The following RBFOX1 variants were observed in gnomAD, a reference collection of about 807,000 sequenced individuals.
RBFOX1 encodes RNA binding protein fox-1 homolog 1.
Under a neutral mutation model 57.7 loss-of-function variants are expected in RBFOX1, and 8 were observed. That is an observed-to-expected ratio of 0.14 (90% CI 0.08 to 0.25). RBFOX1 has a LOEUF of 0.25. RBFOX1 is among the 10% of genes least tolerant of loss of function. RBFOX1 has a pLI of 1.00. For missense variants in RBFOX1, 611 were observed against 548.5 expected (o/e 1.11, Z -1.14); for synonymous variants, 326 against 222.4 (o/e 1.47, Z -4.15).
intron 3 of RBFOX1, among the ~76,000 whole-genome samples, chr16:6,725,376 C>A (rs543046049): frequency 5.7e-4 from 87 of 152,138 alleles, no homozygotes; most frequent in African/African-American, 2.1e-3. Flanking sequence ...TTTAAGGCAT[C>A]TTTTTACCAA....
chr16:6,982,120 C>G (rs1251221227), intron 3 of RBFOX1, among the ~76,000 whole-genome samples: 1 of 152,056 alleles, frequency 6.6e-6, no homozygotes, highest in African/African-American at 2.4e-5. Context: ...AATGACTAAA[C>G]CAAATTAGTG....
At chr16:7,630,704 C>T (rs763040234) in intron 11 of RBFOX1, 21 bp downstream of exon 11, 25 of 1,613,698 alleles carry the variant, frequency 1.5e-5, no homozygotes, top group Non-Finnish European at 1.6e-5. Flanking sequence ...TGTCGTGGCT[C>T]TTTTTGTTTT....
chr16:7,364,595 A>C (rs867816776), intron 4 of RBFOX1, among the ~76,000 whole-genome samples: 3 of 151,638 alleles, frequency 2.0e-5, no homozygotes, highest in African/African-American at 7.3e-5. Flanking sequence ...AAAAACAAAA[A>C]AAAAAAACTT....
chr16:6,331,702 T>A (rs943534794), intron 2 of RBFOX1, among the ~76,000 whole-genome samples: 1 of 151,886 alleles, frequency 6.6e-6, no homozygotes, highest in African/African-American at 2.4e-5. Context: ...CTCTGGTGCA[T>A]CAGAGAGTGC....
chr16:7,064,684 C>A (rs547351822), intron 4 of RBFOX1, among the ~76,000 whole-genome samples: 96 of 152,208 alleles, frequency 6.3e-4, no homozygotes, highest in African/African-American at 2.1e-3. Flanking sequence ...TACTTTGTTA[C>A]GGTAGCCCTA....
chr16:6,185,945 C>A (rs1206473048), intron 1 of RBFOX1, among the ~76,000 whole-genome samples: 1 of 152,122 alleles, frequency 6.6e-6, no homozygotes, highest in African/African-American at 2.4e-5. Context: ...GACAGGCAGA[C>A]CCACATCTTC....
At chr16:6,839,304 G>T (rs2093327018) in intron 3 of RBFOX1, among the ~76,000 whole-genome samples, 1 of 152,080 alleles carries the variant, frequency 6.6e-6, no homozygotes, top group Admixed American at 6.6e-5. Context: ...CAACATAGCT[G>T]CCTCAGTCTG....
At chr16:6,448,156 C>CTTTCTTTTTTTTTTTTT (rs2094523593) in intron 2 of RBFOX1, among the ~76,000 whole-genome samples, 18 of 78,462 alleles carry the variant, frequency 2.3e-4, no homozygotes, top group African/African-American at 9.0e-4. Context: ...TCTTTTCTTT[C>CTTTCTTTTTTTTTTTTT]TTTTTTTTTT....
intron 5 of RBFOX1, among the ~76,000 whole-genome samples, chr16:7,559,853 A>G (rs1196104934): frequency 2.0e-5 from 3 of 152,184 alleles, no homozygotes; most frequent in Admixed American, 1.3e-4. Context: ...GGCTGTGGGA[A>G]GAAAGGCCTT....
chr16:6,560,142 C>G (rs1007666138), intron 2 of RBFOX1, among the ~76,000 whole-genome samples: 40 of 143,234 alleles, frequency 2.8e-4, no homozygotes, highest in Admixed American at 1.5e-4. Flanking sequence ...TATTCTGCCC[C>G]ATGCATGGTA....
chr16:6,819,930 A>T (rs541864701), intron 3 of RBFOX1, among the ~76,000 whole-genome samples: 92 of 152,200 alleles, frequency 6.0e-4, no homozygotes, highest in Non-Finnish European at 1.2e-3. Flanking sequence ...CTGTTCCTGC[A>T]GAGGTGATGT....
Position 6,545,488 on chromosome 16 carries a change from C to T in RBFOX1, c.-63-109115C>T, listed in dbSNP as rs190211412. Among the ~76,000 whole-genome samples, 18 of 152,244 alleles carry T rather than the reference C, an allele frequency of 1.2e-4. No individual in the cohort carries two copies. In the East Asian group the frequency reaches 3.3e-3, roughly 28 times the overall value. On this transcript the variant is annotated intron_variant, in intron 2 of 15. Coordinates refer to ENST00000550418, the MANE Select transcript of RBFOX1 (RefSeq NM_018723.4). ...GCAGCCTTGGAGACGTGTGCCTCTC[C>T]TTCTGCCAGAGGATGCCTCCTGTCG...
intron 1 of RBFOX1, among the ~76,000 whole-genome samples, chr16:6,039,528 C>G (rs1008563049): frequency 1.8e-4 from 27 of 151,876 alleles, no homozygotes; most frequent in Non-Finnish European, 3.8e-4. Context: ...ATTTTTTTCC[C>G]CTCTCATTTA....
chr16:7,221,399 C>T (rs1391485948), intron 4 of RBFOX1, among the ~76,000 whole-genome samples: 3 of 150,020 alleles, frequency 2.0e-5, no homozygotes. Context: ...CAGAGTTTTG[C>T]TCTGTCGTCC....
intron 4 of RBFOX1, among the ~76,000 whole-genome samples, chr16:7,181,645 C>G (rs2082734034): frequency 6.6e-6 from 1 of 152,080 alleles, no homozygotes; most frequent in African/African-American, 2.4e-5. Flanking sequence ...TCACTGCAAC[C>G]TCTGCCTCCC....
intron 1 of RBFOX1, among the ~76,000 whole-genome samples, chr16:5,288,125 G>A (rs2063444222): frequency 6.6e-6 from 1 of 152,194 alleles, no homozygotes; most frequent in Non-Finnish European, 1.5e-5. Context: ...GTCCCCAAGG[G>A]ACAATGATTG....
intron 4 of RBFOX1, among the ~76,000 whole-genome samples, chr16:7,318,111 A>G (rs2096479306): frequency 6.6e-6 from 1 of 150,674 alleles, no homozygotes; most frequent in Non-Finnish European, 1.5e-5. Flanking sequence ...TGCTGGTGGT[A>G]GTGACGGTGC....
intron 3 of RBFOX1, among the ~76,000 whole-genome samples, chr16:5,856,595 AT>A (rs1567632429): frequency 1.4e-4 from 13 of 95,960 alleles, no homozygotes; most frequent in East Asian, 3.2e-4. Context: ...ATATATATAT[AT>A]ATATATATAA....
intron 5 of RBFOX1, among the ~76,000 whole-genome samples, chr16:7,529,121 C>T (rs1207353388): frequency 6.6e-6 from 1 of 151,976 alleles, no homozygotes; most frequent in East Asian, 1.9e-4. Context: ...ATTAGCCAGG[C>T]GTGGTGGCGG....
Sources: gnomAD v4.1 joint callset for allele counts (sites outside exome capture counted in the v4.1 genomes callset) on GRCh38, gnomAD v4.1.1 for gene constraint, MANE v1.5 for transcripts, NCBI Gene and HGNC (gene_info 2026-07-23, HGNC 2026-07-21) for gene names.